The following PRKCH variants were observed in gnomAD, a reference collection of about 807,000 sequenced individuals.
PRKCH encodes protein kinase C eta.
Under a neutral mutation model 82.5 loss-of-function variants are expected in PRKCH, and 28 were observed. The observed-to-expected ratio is 0.34, with a 90% CI of 0.25 to 0.47. The LOEUF (loss-of-function observed/expected upper bound fraction) is 0.47, where lower values mean the gene tolerates loss of function less well. Among genes scored for constraint, PRKCH ranks in the 20% least tolerant of loss-of-function variants. The pLI, the probability that PRKCH is intolerant of heterozygous loss-of-function variation, is 1.00. For synonymous variants in PRKCH, 322 were observed against 327.4 expected (o/e 0.98, Z 0.18); for missense variants, 705 against 881.8 (o/e 0.80, Z 2.54).
intron 2 of PRKCH, among the ~76,000 whole-genome samples, chr14:61,418,096 C>T (rs1473634195): frequency 6.6e-6 from 1 of 152,224 alleles, no homozygotes; most frequent in East Asian, 1.9e-4. Flanking sequence ...GCAGGTCTAT[C>T]CTGTTCTGTG....
intron 2 of PRKCH, chr14:61,442,892 T>C: frequency 2.3e-6 from 1 of 430,266 alleles, no homozygotes; most frequent in Non-Finnish European, 4.2e-6. Context: ...AAGCCATGAT[T>C]GAGCCACTGC....
chr14:61,298,800 C>T (rs1403256822), intron 1 of PRKCH: 1 of 152,126 alleles, frequency 6.6e-6, no homozygotes, highest in Non-Finnish European at 1.5e-5. Context: ...TCTGCAGCAA[C>T]CTCAATTCTT....
chr14:61,215,798 A>T (rs951029047), intron 1 of PRKCH, among the ~76,000 whole-genome samples: 4 of 152,204 alleles, frequency 2.6e-5, no homozygotes, highest in Non-Finnish European at 5.9e-5. Context: ...GCGTTGGCAG[A>T]TATTTAGAAG....
rs140922910 is a variant in PRKCH at position 61,269,836 on chromosome 14, C to A, written c.-19+82168C>A. On this transcript the variant is annotated intron_variant, in intron 1 of 3. Transcript: ENST00000555185. ...AATCAACCTGAGAAATTGTACGCTG[C>A]GTTCCGTGTCGCTGCAGTCAGGCTC... Among the ~76,000 whole-genome samples the A allele has an allele frequency of 4.3e-3, 657 of 152,326 alleles. 4 individuals are homozygous for A. The highest frequency in any genetic ancestry group is 0.014 in the Middle Eastern group (4 of 294).
intron 10 of PRKCH, among the ~76,000 whole-genome samples, chr14:61,490,384 C>T (rs1886403262): frequency 6.6e-6 from 1 of 152,204 alleles, no homozygotes; most frequent in Non-Finnish European, 1.5e-5. Flanking sequence ...GAGTAGCAAT[C>T]TCACTCGCAA....
chr14:61,370,271 C>T (rs2046348579), intron 1 of PRKCH, among the ~76,000 whole-genome samples: 1 of 152,058 alleles, frequency 6.6e-6, no homozygotes, highest in Admixed American at 6.6e-5. Context: ...ACTGAGAACC[C>T]TAATACATAA....
At chr14:61,295,364 T>C (rs1019691325) in intron 1 of PRKCH, among the ~76,000 whole-genome samples, 4 of 152,306 alleles carry the variant, frequency 2.6e-5, no homozygotes, top group East Asian at 1.9e-4. Context: ...AAAAGATTTT[T>C]AAAAACATCT....
At chr14:61,264,417 T>A (rs1333281337) in intron 1 of PRKCH, among the ~76,000 whole-genome samples, 6 of 152,312 alleles carry the variant, frequency 3.9e-5, no homozygotes, top group Admixed American at 3.3e-4. Context: ...GCAGATTTAA[T>A]TGGGCAGCAG....
At position 61,505,748 on chromosome 14, in the gene PRKCH, CCCACTT is replaced by C. The variant is rs548560340; in HGVS notation, c.1433+20096_1433+20101del. Among the ~76,000 whole-genome samples, 252 of 152,188 alleles carry C rather than the reference CCCACTT, an allele frequency of 1.7e-3. 3 individuals are homozygous for C. The highest frequency in any genetic ancestry group is 5.9e-3 in the African/African-American group (246 of 41,480). On this transcript the variant is annotated intron_variant, in intron 10 of 13. Transcript: ENST00000332981. Reference sequence around the variant, plus strand: ...CATGACCTAGCCACCTCCCAAAGGACCCACTTCCAAATACAGTCACATTGAAGGTTA... The same window carrying C: ...CATGACCTAGCCACCTCCCAAAGGACCCAAATACAGTCACATTGAAGGTTA...
At chr14:61,477,185 T>C (rs1456562545) in intron 9 of PRKCH, 1 of 152,254 alleles carries the variant, frequency 6.6e-6, no homozygotes, top group Non-Finnish European at 1.5e-5. Flanking sequence ...TCTGCAGCTT[T>C]TCATACAGCA....
intron 1 of PRKCH, among the ~76,000 whole-genome samples, chr14:61,202,996 C>T (rs2044494264): frequency 6.6e-6 from 1 of 152,014 alleles, no homozygotes; most frequent in South Asian, 2.1e-4. Context: ...GTTTCACCAC[C>T]CTAAGACTCC....
At chr14:61,197,138 G>A (rs1005178335) in intron 1 of PRKCH, among the ~76,000 whole-genome samples, 1 of 152,148 alleles carries the variant, frequency 6.6e-6, no homozygotes. Context: ...CTCAGCTTAA[G>A]GTCCCTATAC....
intron 2 of PRKCH, among the ~76,000 whole-genome samples, chr14:61,411,831 G>A (rs2140233109): frequency 6.6e-6 from 1 of 152,264 alleles, no homozygotes; most frequent in South Asian, 2.1e-4. Flanking sequence ...CCTGAGTCTG[G>A]GGAAAGCACC....
intron 7 of PRKCH, among the ~76,000 whole-genome samples, chr14:61,456,585 G>T (rs530986519): frequency 6.6e-6 from 1 of 152,166 alleles, no homozygotes; most frequent in East Asian, 1.9e-4. Flanking sequence ...AAACGTGTGC[G>T]TGTGTGTTAT....
rs79832623 is a variant in PRKCH at position 61,370,294 on chromosome 14, C to A, written c.364-20931C>A. Reference sequence around the variant, plus strand: ...CCCTAATACATAAACAATATACTTTCTTTGGTTGTTGGAGAAAAAGCGAAG... The same window carrying A: ...CCCTAATACATAAACAATATACTTTATTTGGTTGTTGGAGAAAAAGCGAAG... On this transcript the variant is annotated intron_variant, in intron 1 of 13. Coordinates refer to ENST00000332981, the MANE Select transcript of PRKCH (RefSeq NM_006255.5). Among the ~76,000 whole-genome samples, 488 of 152,190 alleles carry A rather than the reference C, an allele frequency of 3.2e-3. 9 individuals carry two copies. Among genetic ancestry groups the A allele is most frequent in the African/African-American group, 0.011 (472 of 41,464 alleles).
At chr14:61,255,662 C>T (rs2044990884) in intron 1 of PRKCH, among the ~76,000 whole-genome samples, 1 of 152,122 alleles carries the variant, frequency 6.6e-6, no homozygotes, top group African/African-American at 2.4e-5. Context: ...ATTCTCAAAA[C>T]AGCCTTATGA....
chr14:61,462,439 T>A (rs1885067593), intron 9 of PRKCH, among the ~76,000 whole-genome samples: 1 of 152,214 alleles, frequency 6.6e-6, no homozygotes, highest in East Asian at 1.9e-4. Context: ...AATGCTGAGA[T>A]AGAGGTATAC....
At chr14:61,477,470 T>G (rs1449557239) in intron 9 of PRKCH, among the ~76,000 whole-genome samples, 1 of 152,224 alleles carries the variant, frequency 6.6e-6, no homozygotes, top group Non-Finnish European at 1.5e-5. Context: ...ATTTTTTCTT[T>G]AAATGGAGAC....
chr14:61,259,509 A>T (rs1180279959), intron 1 of PRKCH, among the ~76,000 whole-genome samples: 1 of 152,226 alleles, frequency 6.6e-6, no homozygotes, highest in Non-Finnish European at 1.5e-5. Flanking sequence ...GATCTTGTTA[A>T]ACTGAAATTC....
Sources: gnomAD v4.1 joint callset for allele counts (sites outside exome capture counted in the v4.1 genomes callset) on GRCh38, gnomAD v4.1.1 for gene constraint, MANE v1.5 for transcripts, NCBI Gene and HGNC (gene_info 2026-07-23, HGNC 2026-07-21) for gene names.